CHKA: variants seen among roughly 807,000 people sequenced by gnomAD.
CHKA encodes the protein CHETK-alpha.
Under a neutral mutation model 60.1 loss-of-function variants are expected in CHKA, and 34 were observed. That is an observed-to-expected ratio of 0.57 (90% CI 0.43 to 0.75). The LOEUF (loss-of-function observed/expected upper bound fraction) is 0.75, where lower values mean the gene tolerates loss of function less well. Among genes scored for constraint, CHKA ranks in the 30% least tolerant of loss-of-function variants. CHKA has a pLI of 0.00. For synonymous variants in CHKA, 217 were observed against 223.1 expected (o/e 0.97, Z 0.24); for missense variants, 563 against 561.3 (o/e 1.00, Z -0.03).
At position 68,074,566 on chromosome 11, in the gene CHKA, A is replaced by G. The variant is rs1856723354; in HGVS notation, c.630+151T>C. 1.0e-5 allele frequency: 7 copies of G among 672,444 alleles called. No individual in the cohort carries two copies. In the East Asian group the frequency reaches 1.3e-4, roughly 13 times the overall value. The allele number at this position is 672,444 out of a possible 1,614,324, so 41.7% of individuals were successfully genotyped here. The stretch of plus-strand genomic sequence containing the variant: ...AGGTTCGGATGTAAGTACAAAATAA[A>G]TGTTGCTTTTCATGATTTCTGATAC... On this transcript the variant is annotated intron_variant, in intron 4 of 11. Coordinates refer to ENST00000265689, the MANE Select transcript of CHKA (RefSeq NM_001277.3).
chr11:68,115,564 G>A (rs749373776), intron 1 of CHKA, among the ~76,000 whole-genome samples: 67 of 152,228 alleles, frequency 4.4e-4, no homozygotes, highest in Non-Finnish European at 8.5e-4. Context: ...CTAAAACTGG[G>A]CACAGTGGCA....
At chr11:68,107,783 G>A (rs1261420650) in intron 1 of CHKA, among the ~76,000 whole-genome samples, 1 of 152,134 alleles carries the variant, frequency 6.6e-6, no homozygotes, top group Non-Finnish European at 1.5e-5. Context: ...CACCTAGGAG[G>A]TCCTTCCACC....
chr11:68,075,588 C>T (rs878975490), intron 3 of CHKA, among the ~76,000 whole-genome samples: 1 of 152,116 alleles, frequency 6.6e-6, no homozygotes, highest in African/African-American at 2.4e-5. Flanking sequence ...ATAATGGTTT[C>T]CATCTGTTGG....
At chr11:68,061,842 A>G in intron 11 of CHKA, 111 bp downstream of exon 11, 1 of 815,088 alleles carries the variant, frequency 1.2e-6, no homozygotes, top group Non-Finnish European at 2.1e-6. Flanking sequence ...TTGGGGAGAC[A>G]GAGAACCCTC....
intron 6 of CHKA, among the ~76,000 whole-genome samples, chr11:68,069,759 G>T (rs1565175969): frequency 6.6e-6 from 1 of 151,984 alleles, no homozygotes; most frequent in African/African-American, 2.4e-5. Context: ...TCACTCTGAG[G>T]ACAATGACGG....
intron 4 of CHKA, among the ~76,000 whole-genome samples, chr11:68,072,656 C>T (rs950846162): frequency 6.6e-6 from 1 of 151,602 alleles, no homozygotes; most frequent in African/African-American, 2.4e-5. Flanking sequence ...ACACCGGCGG[C>T]GTCATATGGT....
intron 4 of CHKA, among the ~76,000 whole-genome samples, chr11:68,073,478 AC>A (rs1319300867): frequency 2.0e-5 from 3 of 152,156 alleles, no homozygotes. Context: ...ACATGGAGAA[AC>A]CCTGTCTCTA....
intron 2 of CHKA, among the ~76,000 whole-genome samples, chr11:68,082,333 T>C (rs1336018517): frequency 6.6e-6 from 1 of 152,176 alleles, no homozygotes; most frequent in African/African-American, 2.4e-5. Context: ...GAAACTTGTG[T>C]CACGTCAAAC....
At chr11:68,109,153 G>A (rs894032654) in intron 1 of CHKA, among the ~76,000 whole-genome samples, 1 of 146,084 alleles carries the variant, frequency 6.8e-6, no homozygotes. Context: ...GCAGTGGCGC[G>A]ATCTCGGCTC....
At chr11:68,117,849 C>G (rs1858449777) in intron 1 of CHKA, among the ~76,000 whole-genome samples, 1 of 152,174 alleles carries the variant, frequency 6.6e-6, no homozygotes, top group Non-Finnish European at 1.5e-5. Flanking sequence ...ACCTCCTGTT[C>G]TAGTGTCTAA....
intron 7 of CHKA, among the ~76,000 whole-genome samples, chr11:68,067,552 A>T (rs1856485139): frequency 6.6e-6 from 1 of 152,136 alleles, no homozygotes; most frequent in African/African-American, 2.4e-5. Flanking sequence ...CCTAGACTGC[A>T]CTACTGCACA....
At chr11:68,120,576 T>C (rs1323035838) in intron 1 of CHKA, among the ~76,000 whole-genome samples, 2 of 152,224 alleles carry the variant, frequency 1.3e-5, no homozygotes, top group South Asian at 2.1e-4. Flanking sequence ...CGTTTTCTCA[T>C]GAAACCGACG....
Position 68,074,757 on chromosome 11 carries a change from TAG to T in CHKA, c.588_589del (p.Tyr197TrpfsTer20). On this transcript the variant is annotated frameshift_variant, in exon 4 of 12. Transcript: ENST00000265689. LOFTEE classifies it high-confidence loss of function. ...CAGTCGGCCTTGGGGAAAGATGCCA[TAG>T]AGTTTTGGCCCAAGTGACCTCTCTG... is the stretch of plus-strand genomic sequence containing the variant. The T allele has an allele frequency of 3.1e-6, 5 of 1,614,182 alleles. No homozygotes were observed. The highest frequency in any genetic ancestry group is 2.5e-6 in the Non-Finnish European group (3 of 1,180,022).
At chr11:68,055,691 T>C (rs1312614876) in intron 11 of CHKA, among the ~76,000 whole-genome samples, 1 of 152,162 alleles carries the variant, frequency 6.6e-6, no homozygotes, top group African/African-American at 2.4e-5. Context: ...ACAAAACACA[T>C]GAAAAGATTC....
intron 3 of CHKA, among the ~76,000 whole-genome samples, chr11:68,079,743 T>C (rs778794761): frequency 1.3e-5 from 2 of 152,158 alleles, no homozygotes; most frequent in Non-Finnish European, 2.9e-5. Flanking sequence ...GGCCGGGCGA[T>C]TTCATGGCGA....
intron 1 of CHKA, among the ~76,000 whole-genome samples, chr11:68,103,701 C>T (rs935616322): frequency 1.3e-5 from 2 of 151,754 alleles, no homozygotes; most frequent in Non-Finnish European, 2.9e-5. Context: ...CACCTGAGGT[C>T]GGGAATTCGA....
At chr11:68,107,257 A>C (rs1857948657) in intron 1 of CHKA, among the ~76,000 whole-genome samples, 1 of 152,074 alleles carries the variant, frequency 6.6e-6, no homozygotes, top group African/African-American at 2.4e-5. Context: ...GTCTCAAAAA[A>C]AAAAATGTTC....
chr11:68,105,335 T>A (rs1590877556), intron 1 of CHKA, among the ~76,000 whole-genome samples: 1 of 150,874 alleles, frequency 6.6e-6, no homozygotes, highest in Non-Finnish European at 1.5e-5. Flanking sequence ...GCAAACACGG[T>A]GAAACCCCAT....
chr11:68,065,103 A>G (rs1054839535), intron 9 of CHKA, among the ~76,000 whole-genome samples: 2 of 152,172 alleles, frequency 1.3e-5, no homozygotes, highest in Non-Finnish European at 1.5e-5. Flanking sequence ...AACACCAAAG[A>G]TATTTCCTCC....
Sources: allele counts gnomAD v4.1 joint callset (sites outside exome capture counted in the v4.1 genomes callset), GRCh38; gene constraint gnomAD v4.1.1; transcripts MANE v1.5; gene names NCBI Gene and HGNC (gene_info 2026-07-23, HGNC 2026-07-21).